CHST11: variants seen among roughly 807,000 people sequenced by gnomAD.
The protein encoded by CHST11 is carbohydrate sulfotransferase 11.
In CHST11, 9 loss-of-function variants were observed where a neutral mutation model predicts 30.4. That is an observed-to-expected ratio of 0.30 (90% CI 0.18 to 0.52). The LOEUF is 0.52. Among genes scored for constraint, CHST11 ranks in the 20% least tolerant of loss-of-function variants. The probability of loss-of-function intolerance (pLI) is 0.97; values close to 1 mark genes in which losing one functional copy is unlikely to be tolerated. For synonymous variants in CHST11, 152 were observed against 187.8 expected, an observed-to-expected ratio of 0.81 and a Z score of 1.56; for missense variants, 348 against 460.6, an observed-to-expected ratio of 0.76 and a Z score of 2.24.
chr12:104,628,580 C>T (rs750415250), intron 2 of CHST11, among the ~76,000 whole-genome samples: 2 of 152,158 alleles, frequency 1.3e-5, no homozygotes, highest in Non-Finnish European at 2.9e-5. Flanking sequence ...GGCTCTGCAT[C>T]GGCTCTAATG....
chr12:104,749,408 T>G, intron 2 of CHST11, among the ~76,000 whole-genome samples: 1 of 152,260 alleles, frequency 6.6e-6, no homozygotes, highest in South Asian at 2.1e-4. Flanking sequence ...TTTTCTATTT[T>G]TATTTCATAC....
At chr12:104,558,916 T>A (rs556417390) in intron 1 of CHST11, among the ~76,000 whole-genome samples, 115 of 152,228 alleles carry the variant, frequency 7.6e-4, no homozygotes, top group Non-Finnish European at 1.4e-3. Flanking sequence ...TTTAGGTTTC[T>A]ATGTGGGTGA....
At position 104,639,487 on chromosome 12, in the gene CHST11, A is replaced by AT. The variant is rs555404277; in HGVS notation, c.204+37502dup. ...TGATGGATTTTCCTAAAGAGAAGTA[A>AT]TTTTTTCATGAGGCAGCCAAGCTAG... On this transcript the variant is annotated intron_variant, in intron 2 of 2. Transcript: ENST00000303694. 2.0e-3 allele frequency among the ~76,000 whole-genome samples: 303 copies of AT among 152,232 alleles called. 1 individual carries two copies. The highest frequency in any genetic ancestry group is 7.0e-3 in the African/African-American group (292 of 41,512).
intron 2 of CHST11, among the ~76,000 whole-genome samples, chr12:104,609,329 G>T (rs779150798): frequency 6.6e-6 from 1 of 152,214 alleles, no homozygotes; most frequent in East Asian, 1.9e-4. Flanking sequence ...TGGCAAAGAT[G>T]AAATATTACA....
chr12:104,504,963 C>T (rs2037889870), intron 1 of CHST11, among the ~76,000 whole-genome samples: 1 of 152,182 alleles, frequency 6.6e-6, no homozygotes. Flanking sequence ...AGAGTCCAGC[C>T]TTGCACTGGT....
intron 1 of CHST11, among the ~76,000 whole-genome samples, chr12:104,587,645 G>T (rs542793712): frequency 6.6e-6 from 1 of 152,096 alleles, no homozygotes; most frequent in Admixed American, 6.5e-5. Flanking sequence ...CAATCCACCC[G>T]CCTTAGCCTT....
intron 1 of CHST11, among the ~76,000 whole-genome samples, chr12:104,571,701 A>G (rs1272199350): frequency 6.6e-6 from 1 of 152,204 alleles, no homozygotes; most frequent in Non-Finnish European, 1.5e-5. Flanking sequence ...TCATCAAAAC[A>G]GTGCAAGATG....
intron 1 of CHST11, among the ~76,000 whole-genome samples, chr12:104,503,132 G>C (rs1362657825): frequency 6.6e-6 from 1 of 152,172 alleles, no homozygotes; most frequent in Non-Finnish European, 1.5e-5. Context: ...TGGTAGATGG[G>C]AGCAATATGC....
At chr12:104,754,340 C>G (rs552105417) in intron 2 of CHST11, among the ~76,000 whole-genome samples, 17 of 152,294 alleles carry the variant, frequency 1.1e-4, no homozygotes, top group African/African-American at 3.9e-4. Context: ...GATATGTCAC[C>G]TGCCACAGCT....
At chr12:104,568,491 A>T (rs552013341) in intron 1 of CHST11, among the ~76,000 whole-genome samples, 1 of 152,232 alleles carries the variant, frequency 6.6e-6, no homozygotes, top group Admixed American at 6.5e-5. Context: ...GCAACTTCCA[A>T]CAGAGCTGAG....
chr12:104,508,563 C>A (rs1172962021), intron 1 of CHST11, among the ~76,000 whole-genome samples: 1 of 152,152 alleles, frequency 6.6e-6, no homozygotes, highest in African/African-American at 2.4e-5. Context: ...CCTTTTTAAC[C>A]TTGAGATGTG....
chr12:104,653,994 C>G (rs1592819134), intron 2 of CHST11, among the ~76,000 whole-genome samples: 1 of 152,192 alleles, frequency 6.6e-6, no homozygotes. Flanking sequence ...TGGTCTCGAG[C>G]AAGCCGTAGA....
intron 2 of CHST11, among the ~76,000 whole-genome samples, chr12:104,743,815 G>A (rs923204171): frequency 1.3e-5 from 2 of 152,046 alleles, no homozygotes; most frequent in African/African-American, 4.8e-5. Context: ...CTGTGTCCAT[G>A]TGTTCTCATC....
intron 2 of CHST11, among the ~76,000 whole-genome samples, chr12:104,634,274 G>A (rs61938617): frequency 0.12 from 17,609 of 152,168 alleles, 1,282 homozygotes; most frequent in East Asian, 0.17. Flanking sequence ...AGGTTCCTGG[G>A]GAATGAAAGA....
chr12:104,478,512 C>G (rs146749303), intron 1 of CHST11, among the ~76,000 whole-genome samples: 1 of 152,082 alleles, frequency 6.6e-6, no homozygotes, highest in Admixed American at 6.6e-5. Flanking sequence ...AGCAGAGTGC[C>G]GAGATGGAAG....
chr12:104,658,295 A>G (rs1342400851), intron 2 of CHST11, among the ~76,000 whole-genome samples: 1 of 152,234 alleles, frequency 6.6e-6, no homozygotes, highest in Non-Finnish European at 1.5e-5. Context: ...TTCTCAGGCC[A>G]TGAGAGAAGG....
intron 2 of CHST11, among the ~76,000 whole-genome samples, chr12:104,603,531 C>T (rs1437711613): frequency 6.6e-6 from 1 of 152,182 alleles, no homozygotes; most frequent in African/African-American, 2.4e-5. Flanking sequence ...ACATGAAAGT[C>T]CAGGTTCAAA....
chr12:104,638,123 A>G (rs2039343202), intron 2 of CHST11, among the ~76,000 whole-genome samples: 1 of 152,194 alleles, frequency 6.6e-6, no homozygotes, highest in African/African-American at 2.4e-5. Flanking sequence ...GTCATAACCA[A>G]CCTTGGAAGC....
chr12:104,462,292 T>TTA (rs1376399672), intron 1 of CHST11, among the ~76,000 whole-genome samples: 3 of 149,692 alleles, frequency 2.0e-5, no homozygotes. Flanking sequence ...TAGAATATAT[T>TTA]TATATATATT....
Sources: gnomAD v4.1 joint callset for allele counts (sites outside exome capture counted in the v4.1 genomes callset) on GRCh38, gnomAD v4.1.1 for gene constraint, MANE v1.5 for transcripts, NCBI Gene and HGNC (gene_info 2026-07-23, HGNC 2026-07-21) for gene names.